The following FBLN2 variants were observed in gnomAD, a reference collection of about 807,000 sequenced individuals.
FBLN2 encodes fibulin 2.
In FBLN2, 81 loss-of-function variants were observed where a neutral mutation model predicts 123.7. The ratio of observed to expected loss-of-function variants is 0.65; its 90% CI spans 0.55 to 0.79. The LOEUF is 0.79. Among genes scored for constraint, FBLN2 ranks in the 30% least tolerant of loss-of-function variants. FBLN2 has a pLI of 0.00. For missense variants in FBLN2, 1,603 were observed against 1,681.3 expected (o/e 0.95, Z 0.81); for synonymous variants, 699 against 701.4 (o/e 1.00, Z 0.05).
intron 2 of FBLN2, among the ~76,000 whole-genome samples, chr3:13,574,658 G>A (rs560701209): frequency 2.0e-5 from 3 of 152,182 alleles, no homozygotes; most frequent in South Asian, 4.2e-4. Flanking sequence ...CAACGCGGCT[G>A]GAGGGGTCAC....
chr3:13,627,634 C>T (rs537947853), intron 10 of FBLN2, among the ~76,000 whole-genome samples, 198 bp from the exon 11 acceptor site: 50 of 152,344 alleles, frequency 3.3e-4, no homozygotes, highest in South Asian at 2.5e-3. Context: ...CAAAGAGAAG[C>T]GCAGTAAACA....
Position 13,549,135 on chromosome 3 carries a change from A to C in FBLN2, c.-115A>C. ...CGCCCCGCCCCGCGCGCACACAGCC[A>C]GGGGCCGCCCGGGCTCTCGACGCGC... On this transcript the variant is annotated 5_prime_UTR_variant, in exon 1 of 18. Coordinates refer to ENST00000404922, the MANE Select transcript of FBLN2 (RefSeq NM_001004019.2). 2.0e-6 allele frequency: 2 copies of C among 982,442 alleles called. No individual in the cohort carries two copies. Among genetic ancestry groups the C allele is most frequent in the Non-Finnish European group, 2.4e-6 (2 of 828,892 alleles). The allele number at this position is 982,442 out of a possible 1,614,324, so 60.9% of individuals were successfully genotyped here.
In FBLN2 at chr3:13,629,000, A is replaced by G. The variant is rs1214835856; in HGVS notation, c.2665A>G (p.Ile889Val). 1.2e-6 allele frequency: 2 copies of G among 1,613,326 alleles called. No individual in the cohort carries two copies. The highest frequency in any genetic ancestry group is 1.7e-5 in the Admixed American group (1 of 59,948). The change falls in exon 12 of 18, where the codon ATC becomes GTC. Residue 889 changes from isoleucine to valine, a missense_variant. Transcript: ENST00000404922. Reference sequence around the variant, plus strand: ...CTACACATGCCAGAGGAACCCGCTGATCTGCGCGCGCGGCTACCACGCCAG... The same window carrying G: ...CTACACATGCCAGAGGAACCCGCTGGTCTGCGCGCGCGGCTACCACGCCAG... ...GSYTCQRNPL[I>V]CARGYHASDD...
chr3:13,612,323 CTTTCTTT>C (rs1183811637), intron 4 of FBLN2, among the ~76,000 whole-genome samples: 1 of 134,950 alleles, frequency 7.4e-6, no homozygotes, highest in African/African-American at 2.8e-5. Context: ...TTCTTTCTTT[CTTTCTTT>C]CTTTCTTTCT....
chr3:13,558,927 C>T (rs923562327), intron 1 of FBLN2, among the ~76,000 whole-genome samples: 1 of 151,734 alleles, frequency 6.6e-6, no homozygotes, highest in Non-Finnish European at 1.5e-5. Flanking sequence ...GAGAGGGCAT[C>T]GCAGGTTGAG....
chr3:13,628,597 C>T (rs1235087301), intron 11 of FBLN2, among the ~76,000 whole-genome samples: 1 of 152,114 alleles, frequency 6.6e-6, no homozygotes, highest in Non-Finnish European at 1.5e-5. Flanking sequence ...GCTGTGCTTC[C>T]CTGGCAGCTA....
intron 2 of FBLN2, among the ~76,000 whole-genome samples, chr3:13,601,747 G>C (rs1458434258): frequency 6.6e-6 from 1 of 152,236 alleles, no homozygotes; most frequent in Admixed American, 6.5e-5. Flanking sequence ...ACAGAGGACT[G>C]AGAAAGTAAA....
intron 1 of FBLN2, among the ~76,000 whole-genome samples, chr3:13,558,223 A>G (rs1005378710): frequency 6.6e-6 from 1 of 152,066 alleles, no homozygotes; most frequent in Non-Finnish European, 1.5e-5. Flanking sequence ...GCCTGTCTCC[A>G]TCGCTGTCTG....
At position 13,600,065 on chromosome 3, in the gene FBLN2, T is replaced by TAG. The variant is rs149176892; in HGVS notation, c.1307-7982_1307-7981dup. On this transcript the variant is annotated intron_variant, in intron 2 of 17. Coordinates refer to ENST00000404922, the MANE Select transcript of FBLN2 (RefSeq NM_001004019.2). ...AGAGAGCGAGAGAGAGAGAGAGCGA[T>TAG]AGAGAGAGAGAGAGAGCGCCAGGCA... 3.2e-3 allele frequency among the ~76,000 whole-genome samples: 298 copies of TAG among 92,448 alleles called. 1 individual carries two copies. The highest frequency in any genetic ancestry group is 8.7e-3 in the African/African-American group (213 of 24,510). The allele number at this position is 92,448 out of a possible 152,430, so 60.6% of individuals were successfully genotyped here. A position where few individuals can be genotyped will look rare whatever the true frequency, so the allele number is the denominator to read the frequency against.
At chr3:13,551,066 T>A (rs1359331558) in intron 1 of FBLN2, among the ~76,000 whole-genome samples, 1 of 152,146 alleles carries the variant, frequency 6.6e-6, no homozygotes, top group Non-Finnish European at 1.5e-5. Flanking sequence ...CGCTGTTTGG[T>A]CCCCGTCCCC....
chr3:13,627,813 C>A lies in FBLN2; in HGVS notation c.2432-19C>A. The A allele has an allele frequency of 1.2e-6, 2 of 1,608,038 alleles. No homozygotes were observed. The highest frequency in any genetic ancestry group is 1.7e-6 in the Non-Finnish European group (2 of 1,177,018). On this transcript the variant is annotated intron_variant, in intron 10 of 17. Transcript: ENST00000404922. ...AGGACCTGCCCCCCAGCCCTTGACACCCAGCCTCTCCGCTGCAGACGTGGA... is the reference window on the plus strand; with the variant it reads ...AGGACCTGCCCCCCAGCCCTTGACAACCAGCCTCTCCGCTGCAGACGTGGA...
intron 2 of FBLN2, among the ~76,000 whole-genome samples, chr3:13,589,558 A>G (rs2124853332): frequency 1.3e-5 from 2 of 152,314 alleles, no homozygotes; most frequent in East Asian, 3.9e-4. Flanking sequence ...TCAGTGAAGA[A>G]GGGCCTCAGC....
intron 1 of FBLN2, among the ~76,000 whole-genome samples, chr3:13,554,719 T>C (rs796337499): frequency 9.3e-5 from 14 of 151,094 alleles, no homozygotes; most frequent in African/African-American, 3.4e-4. Context: ...CCAGGGGCCC[T>C]GATGGCTGTT....
chr3:13,629,246 C>A lies in FBLN2; in HGVS notation c.2796C>A (p.Asp932Glu), dbSNP rs1440532059. 12 of 1,613,096 alleles carry A rather than the reference C, an allele frequency of 7.4e-6. No homozygotes were observed. The highest frequency in any genetic ancestry group is 2.2e-5 in the South Asian group (2 of 91,018). ...ACCTCCCTGGCTCCTACCGCTGTGA[C>A]TGCAAAGCCGGCTTTCAGCGGGATG... ...CHNLPGSYRC[D>E]CKAGFQRDAF... is the part of the protein sequence containing the mutation. The change falls in exon 13 of 18, where the codon GAC becomes GAA. Residue 932 changes from aspartate to glutamate, a missense_variant. Physicochemically the swap from Asp to Glu is conservative, Grantham distance 45. Transcript: ENST00000404922.
At chr3:13,613,789 A>G (rs60445865) in intron 4 of FBLN2, 195 bp from the exon 5 acceptor site, 7,660 of 525,084 alleles carry the variant, frequency 0.015, 405 homozygotes, top group African/African-American at 0.12. Context: ...TATCTGTTTC[A>G]AAAGACTTAC....
chr3:13,611,986 A>G (rs909618275), intron 4 of FBLN2, among the ~76,000 whole-genome samples: 2 of 152,146 alleles, frequency 1.3e-5, no homozygotes, highest in Non-Finnish European at 2.9e-5. Flanking sequence ...GTTTCAGGAA[A>G]CCTTCCAGAA....
Position 13,618,234 on chromosome 3 carries a change from G to A in FBLN2, c.1888G>A (p.Ala630Thr). The A allele has an allele frequency of 1.2e-6, 2 of 1,613,962 alleles. No homozygotes were observed. The highest frequency in any genetic ancestry group is 1.1e-5 in the South Asian group (1 of 91,090). The part of the protein sequence containing the change: ...CINTVGSYHC[A>T]CFPGFSLQDD... ...CAATACTGTGGGTTCTTACCACTGT[G>A]CCTGCTTTCCTGGCTTCTCACTGCA... is the stretch of plus-strand genomic sequence containing the variant. The change falls in exon 6 of 18, where the codon GCC (alanine) becomes ACC (threonine). Residue 630 changes from alanine to threonine, a missense_variant. Physicochemically the swap from Ala to Thr is moderately conservative, Grantham distance 58. Transcript: ENST00000404922.
intron 1 of FBLN2, among the ~76,000 whole-genome samples, chr3:13,570,000 G>T (rs568171351): frequency 6.6e-6 from 1 of 152,238 alleles, no homozygotes; most frequent in South Asian, 2.1e-4. Flanking sequence ...GGGCACGAGG[G>T]CTCACTCAGA....
intron 1 of FBLN2, among the ~76,000 whole-genome samples, chr3:13,551,500 AG>A (rs1703321660): frequency 6.6e-6 from 1 of 152,148 alleles, no homozygotes; most frequent in Non-Finnish European, 1.5e-5. Context: ...AGGTAGAGAA[AG>A]GGCCTCCCAG....
Sources: allele counts gnomAD v4.1 joint callset (sites outside exome capture counted in the v4.1 genomes callset), GRCh38; gene constraint gnomAD v4.1.1; transcripts MANE v1.5; gene names NCBI Gene and HGNC (gene_info 2026-07-23, HGNC 2026-07-21).